Variants in ANXA2 observed in about 807,000 individuals in gnomAD.
ANXA2 encodes the protein annexin II.
A neutral mutation model predicts 47.3 loss-of-function variants in ANXA2; 28 were observed. The ratio of observed to expected loss-of-function variants is 0.59; its 90% CI spans 0.44 to 0.81. The LOEUF is 0.81. Ranked by LOEUF, ANXA2 falls within the 40% of genes least tolerant of loss-of-function variation. The pLI is 0.00. For missense variants in ANXA2, 384 were observed against 414.3 expected (o/e 0.93, Z 0.64); for synonymous variants, 172 against 155.5 (o/e 1.11, Z -0.79).
intron 6 of ANXA2, among the ~76,000 whole-genome samples, chr15:60,356,504 T>C (rs759445063): frequency 1.3e-5 from 2 of 152,146 alleles, no homozygotes; most frequent in Non-Finnish European, 2.9e-5. Flanking sequence ...AGAACTGTAA[T>C]GTTCCTGATA....
Position 60,358,652 on chromosome 15 carries a change from G to T in ANXA2, c.358-1416C>A, listed in dbSNP as rs182198545. ...CTTTCTGAGTTTTTAATCATGATTT[G>T]TAGAGGTTCCAGCAAAGCCAAAAAT... On this transcript the variant is annotated intron_variant, in intron 5 of 12. Transcript: ENST00000451270. Among the ~76,000 whole-genome samples the T allele has an allele frequency of 7.0e-4, 107 of 152,248 alleles. 1 individual carries two copies. The highest frequency in any genetic ancestry group is 5.2e-3 in the South Asian group (25 of 4,830).
intron 3 of ANXA2, among the ~76,000 whole-genome samples, chr15:60,377,905 T>C (rs1432237822): frequency 6.6e-6 from 1 of 152,004 alleles, no homozygotes; most frequent in Non-Finnish European, 1.5e-5. Flanking sequence ...CTGGCCAACA[T>C]GGTTAAACCC....
intron 3 of ANXA2, chr15:60,374,510 A>G (rs2062751625): frequency 2.2e-6 from 1 of 455,972 alleles, no homozygotes; most frequent in Non-Finnish European, 4.4e-6. Context: ...GGTTACTGCC[A>G]TTGTCCCTGG....
Position 60,347,623 on chromosome 15 carries a change from T to C in ANXA2, c.*7A>G. ...ACCATTTCTGGACGCTCAGGCCGTG[T>C]CGGGCTTCAGTCATCTCCACCACAC... On this transcript the variant is annotated 3_prime_UTR_variant, in exon 13 of 13. Coordinates refer to ENST00000451270, the MANE Select transcript of ANXA2 (RefSeq NM_004039.3). 1 of 1,614,160 alleles carries C rather than the reference T, an allele frequency of 6.2e-7. No homozygotes were observed. Among genetic ancestry groups the C allele is most frequent in the Non-Finnish European group, 8.5e-7 (1 of 1,179,996 alleles).
rs1895774796 is a variant in ANXA2, at chr15:60,347,554, C to CTA, written c.*75_*76insTA. The CTA allele has an allele frequency of 1.4e-6, 2 of 1,480,506 alleles. No homozygotes were observed. The highest frequency in any genetic ancestry group is 2.8e-5 in the African/African-American group (2 of 72,154). 91.7% of individuals were successfully genotyped at this position (1,480,506 alleles called of 1,614,324 possible). On this transcript the variant is annotated 3_prime_UTR_variant, in exon 13 of 13. Coordinates refer to ENST00000451270, the MANE Select transcript of ANXA2 (RefSeq NM_004039.3). ...AGGGATGGCCACGGGGACTGTTATT[C>CTA]GCAAGCTGGTTTTCTAGACCTGTTA...
chr15:60,368,432 A>C (rs2062668064), intron 3 of ANXA2, among the ~76,000 whole-genome samples: 3 of 152,114 alleles, frequency 2.0e-5, no homozygotes, highest in African/African-American at 7.2e-5. Context: ...AGTAGAAAAA[A>C]CACCTGTGTC....
intron 2 of ANXA2, chr15:60,383,749 G>A (rs1468584978): frequency 7.5e-6 from 1 of 133,982 alleles, no homozygotes; most frequent in African/African-American, 2.8e-5. Flanking sequence ...CCCGTATAAT[G>A]TGATGACTTG....
At chr15:60,397,823 C>T (rs768090273) in intron 1 of ANXA2, 120 bp downstream of exon 1, 1 of 1,368,552 alleles carries the variant, frequency 7.3e-7, no homozygotes, top group South Asian at 1.7e-5. Context: ...CCCCCTGCCC[C>T]CGACGGCCTC....
intron 1 of ANXA2, among the ~76,000 whole-genome samples, chr15:60,395,319 TA>T (rs1025241564): frequency 6.6e-6 from 1 of 152,236 alleles, no homozygotes; most frequent in African/African-American, 2.4e-5. Context: ...CTAGTGCTCA[TA>T]ACTATGAGTG....
At chr15:60,358,795 T>C (rs531003063) in intron 5 of ANXA2, among the ~76,000 whole-genome samples, 5 of 152,358 alleles carry the variant, frequency 3.3e-5, no homozygotes, top group Admixed American at 1.3e-4. Flanking sequence ...GATAGAAATA[T>C]AGTCTAAAAA....
intron 1 of ANXA2, chr15:60,397,148 G>C: frequency 2.0e-6 from 1 of 492,056 alleles, no homozygotes. Context: ...GCGGCCAGAA[G>C]GGAGAGGCCC....
intron 5 of ANXA2, among the ~76,000 whole-genome samples, chr15:60,360,149 G>C (rs540716406): frequency 3.3e-5 from 5 of 152,122 alleles, no homozygotes; most frequent in African/African-American, 4.8e-5. Context: ...CCAGCTACTC[G>C]GGATGCTGAG....
chr15:60,388,405 G>T (rs2062961416), intron 1 of ANXA2, among the ~76,000 whole-genome samples: 1 of 152,082 alleles, frequency 6.6e-6, no homozygotes, highest in Non-Finnish European at 1.5e-5. Flanking sequence ...TAAAGGCAGG[G>T]TCTTGCTATG....
intron 10 of ANXA2, chr15:60,351,481 G>C: frequency 1.6e-6 from 1 of 616,410 alleles, no homozygotes; most frequent in South Asian, 2.0e-5. Flanking sequence ...GTGCATACGT[G>C]AGTTTCCACA....
Position 60,355,902 on chromosome 15 carries a change from G to A in ANXA2, c.528+17C>T. On this transcript the variant is annotated intron_variant, in intron 7 of 12. Coordinates refer to ENST00000451270, the MANE Select transcript of ANXA2 (RefSeq NM_004039.3). The stretch of plus-strand genomic sequence containing the variant: ...TTGGGAGGAAGCAAGGGCAAAGAAA[G>A]AAACTGGGAAACCAACCTTTGCCAG... 2 of 1,609,732 alleles carry A rather than the reference G, an allele frequency of 1.2e-6. No homozygotes were observed. The highest frequency in any genetic ancestry group is 8.5e-7 in the Non-Finnish European group (1 of 1,176,004).
At chr15:60,397,213 C>A (rs2063092148) in intron 1 of ANXA2, 2 of 929,710 alleles carry the variant, frequency 2.2e-6, no homozygotes, top group African/African-American at 1.8e-5. Flanking sequence ...CACATCATGG[C>A]GAGTAACAGG....
At chr15:60,367,547 C>T (rs1274611157) in intron 3 of ANXA2, among the ~76,000 whole-genome samples, 20 of 55,820 alleles carry the variant, frequency 3.6e-4, no homozygotes, top group South Asian at 5.7e-4. Flanking sequence ...CCAGCCGCCC[C>T]GTCCGGGAGG....
At chr15:60,386,720 C>T (rs2062938516) in intron 1 of ANXA2, 1 of 152,214 alleles carries the variant, frequency 6.6e-6, no homozygotes, top group Admixed American at 6.5e-5. Context: ...GAAATGAAGT[C>T]ATCTTCCAGT....
intron 1 of ANXA2, chr15:60,396,031 A>G (rs558286625): frequency 6.6e-6 from 1 of 152,340 alleles, no homozygotes; most frequent in East Asian, 1.9e-4. Context: ...ATCTTCCTTA[A>G]TATTGCCTGA....
Sources: allele counts gnomAD v4.1 joint callset (sites outside exome capture counted in the v4.1 genomes callset), GRCh38; gene constraint gnomAD v4.1.1; transcripts MANE v1.5; gene names NCBI Gene and HGNC (gene_info 2026-07-23, HGNC 2026-07-21).